The following PRDM7 variants were observed in gnomAD, a reference collection of about 807,000 sequenced individuals.
The protein encoded by PRDM7 is histone-lysine N-methyltransferase PRDM7.
Under a neutral mutation model 64.3 loss-of-function variants are expected in PRDM7, and 52 were observed. The observed-to-expected ratio is 0.81, with a 90% CI of 0.65 to 1.02. The LOEUF (loss-of-function observed/expected upper bound fraction) is 1.02, where lower values mean the gene tolerates loss of function less well. Among genes scored for constraint, PRDM7 ranks in the 50% least tolerant of loss-of-function variants. The probability of loss-of-function intolerance (pLI) is 0.00; values close to 1 mark genes in which losing one functional copy is unlikely to be tolerated. For missense variants in PRDM7, 574 were observed against 597.1 expected (o/e 0.96, Z 0.40); for synonymous variants, 192 against 210.1 (o/e 0.91, Z 0.74).
At chr16:90,066,837 C>T in intron 5 of PRDM7, 24 bp downstream of exon 5, 2 of 1,556,694 alleles carry the variant, frequency 1.3e-6, no homozygotes, top group Non-Finnish European at 1.8e-6. Flanking sequence ...GGTTTCTTGT[C>T]AACAGGATTT....
intron 4 of PRDM7, among the ~76,000 whole-genome samples, chr16:90,067,414 T>TA (rs1383043455): frequency 1.3e-5 from 2 of 151,074 alleles, no homozygotes; most frequent in Non-Finnish European, 2.9e-5. Context: ...TCTTAAGATT[T>TA]AAAAAAATAG....
chr16:90,065,003 G>C (rs1432169201), intron 5 of PRDM7, among the ~76,000 whole-genome samples: 3 of 151,078 alleles, frequency 2.0e-5, no homozygotes, highest in Non-Finnish European at 4.4e-5. Context: ...ACAGGTGTGA[G>C]CCACTGCCTC....
At chr16:90,064,301 G>C (rs1228370720) in intron 5 of PRDM7, among the ~76,000 whole-genome samples, 1 of 152,172 alleles carries the variant, frequency 6.6e-6, no homozygotes, top group East Asian at 1.9e-4. Flanking sequence ...TTTTGAATTA[G>C]ATTAGTTAGT....
intron 1 of PRDM7, 144 bp downstream of exon 1, chr16:90,077,082 G>A (rs888283429): frequency 6.6e-6 from 1 of 152,054 alleles, no homozygotes; most frequent in African/African-American, 2.4e-5. Context: ...GGTACTTTGG[G>A]GGTTTCATGC....
chr16:90,066,781 G>T, intron 5 of PRDM7, 80 bp downstream of exon 5: 2 of 1,290,692 alleles, frequency 1.5e-6, no homozygotes. Context: ...TCCTAGGATA[G>T]TCTGTACATT....
intron 5 of PRDM7, among the ~76,000 whole-genome samples, chr16:90,065,781 C>T (rs2037864890): frequency 6.6e-6 from 1 of 151,370 alleles, no homozygotes; most frequent in Non-Finnish European, 1.5e-5. Flanking sequence ...AAAATTATCT[C>T]ATAGTCCTGA....
intron 9 of PRDM7, 107 bp downstream of exon 9, chr16:90,061,345 A>T: frequency 8.6e-7 from 1 of 1,158,560 alleles, no homozygotes; most frequent in East Asian, 2.4e-5. Context: ...GAAAAATAGA[A>T]ATAGGGGATG....
chr16:90,075,997 T>C lies in PRDM7; in HGVS notation c.-85-2A>G, dbSNP rs2038031817. The C allele has an allele frequency of 3.4e-6, 5 of 1,460,736 alleles. No individual in the cohort carries two copies. The highest frequency in any genetic ancestry group is 3.6e-4 in the Middle Eastern group (2 of 5,482). 90.5% of individuals were successfully genotyped at this position (1,460,736 alleles called of 1,614,324 possible). On this transcript the variant is annotated splice_acceptor_variant, in intron 1 of 10. Coordinates refer to ENST00000449207, the MANE Select transcript of PRDM7 (RefSeq NM_001098173.2). LOFTEE classifies it low-confidence loss of function (5UTR_SPLICE). The surrounding 1 kb of genome is among the most constrained non-coding windows in gnomAD (Gnocchi z 4.3). ...TCCCAGCTCCTAGGCCAAAGGCTCC[T>C]GTGGAAGGAGAAGGTGCTGAGATGG...
chr16:90,060,260 T>C, intron 10 of PRDM7, 81 bp downstream of exon 10: 1 of 1,607,196 alleles, frequency 6.2e-7, no homozygotes, highest in South Asian at 1.1e-5. Flanking sequence ...CGTTTTACTC[T>C]ACTTAAGAGT....
At chr16:90,060,286 C>A (rs1011915303) in intron 10 of PRDM7, 55 bp downstream of exon 10, 7 of 1,613,032 alleles carry the variant, frequency 4.3e-6, no homozygotes, top group African/African-American at 1.3e-5. Context: ...CATGAAAATT[C>A]TCTAGGATAA....
Position 90,074,904 on chromosome 16 carries a change from C to T in PRDM7, c.301+12G>A. On this transcript the variant is annotated intron_variant, in intron 4 of 10. Transcript: ENST00000449207. ...TTAAAAAAAAAAAAATCCTCCTTCCCTTCCCTCTTACCTTGCTGCCTAGGT... is the reference window on the plus strand; with the variant it reads ...TTAAAAAAAAAAAAATCCTCCTTCCTTTCCCTCTTACCTTGCTGCCTAGGT... The T allele has an allele frequency of 6.2e-7, 1 of 1,612,868 alleles. No individual in the cohort carries two copies. Among genetic ancestry groups the T allele is most frequent in the Non-Finnish European group, 8.5e-7 (1 of 1,179,080 alleles).
intron 4 of PRDM7, among the ~76,000 whole-genome samples, chr16:90,067,672 G>T (rs566821060): frequency 6.9e-6 from 1 of 145,514 alleles, no homozygotes; most frequent in Admixed American, 7.1e-5. Context: ...CTCACTGCAA[G>T]CTCTGCCTCC....
intron 4 of PRDM7, among the ~76,000 whole-genome samples, chr16:90,071,154 T>C (rs2037950208): frequency 6.6e-6 from 1 of 152,142 alleles, no homozygotes; most frequent in South Asian, 2.1e-4. Flanking sequence ...TTTTTTGAGA[T>C]GGAGTCTCGT....
intron 4 of PRDM7, among the ~76,000 whole-genome samples, chr16:90,073,601 G>A (rs1394264804): frequency 6.6e-6 from 1 of 151,742 alleles, no homozygotes. Flanking sequence ...GGGTTTCACC[G>A]TGTTAGCCAG....
chr16:90,061,094 G>A (rs143336247), intron 9 of PRDM7, among the ~76,000 whole-genome samples: 2 of 152,212 alleles, frequency 1.3e-5, no homozygotes, highest in East Asian at 3.9e-4. Flanking sequence ...AAAGGGGCTG[G>A]GTCATCCTGC....
Position 90,057,860 on chromosome 16 carries a change from G to C in PRDM7, c.*429C>G, listed in dbSNP as rs556094233. ...GACTTACTCATCCTTCCTGCAGACT[G>C]GGGCGTCTCCCCTGTGTGTCCTCTG... On this transcript the variant is annotated 3_prime_UTR_variant, in exon 11 of 11. Transcript: ENST00000449207. 3.9e-6 allele frequency: 6 copies of C among 1,526,018 alleles called. No individual in the cohort carries two copies. In the South Asian group the frequency reaches 5.5e-5, roughly 14 times the overall value. The allele number at this position is 1,526,018 out of a possible 1,614,324, so 94.5% of individuals were successfully genotyped here.
intron 4 of PRDM7, among the ~76,000 whole-genome samples, chr16:90,069,401 C>G (rs1430579300): frequency 6.6e-6 from 1 of 151,266 alleles, no homozygotes; most frequent in Non-Finnish European, 1.5e-5. Flanking sequence ...AAGTACAGAA[C>G]TTCAAGAAGA....
At chr16:90,073,257 C>T (rs1342407620) in intron 4 of PRDM7, among the ~76,000 whole-genome samples, 1 of 152,036 alleles carries the variant, frequency 6.6e-6, no homozygotes, top group Non-Finnish European at 1.5e-5. Flanking sequence ...TCTTCTAAGA[C>T]ATTTAACTCA....
In PRDM7 at chr16:90,060,322, G is replaced by T. The variant is rs774251569; in HGVS notation, c.1233+19C>A. On this transcript the variant is annotated intron_variant, in intron 10 of 10. Coordinates refer to ENST00000449207, the MANE Select transcript of PRDM7 (RefSeq NM_001098173.2). ...TTCTTTCTTTCCTGTCCTTTTAAAA[G>T]AGTAATAGTGATGCCTACCTCTCCC... The T allele has an allele frequency of 1.9e-5, 30 of 1,613,866 alleles. 1 individual carries two copies. In the East Asian group the frequency reaches 6.5e-4, roughly 35 times the overall value.
Sources: allele counts gnomAD v4.1 joint callset (sites outside exome capture counted in the v4.1 genomes callset), GRCh38; gene constraint gnomAD v4.1.1; non-coding constraint Gnocchi (gnomAD v3.1); transcripts MANE v1.5; gene names NCBI Gene and HGNC (gene_info 2026-07-23, HGNC 2026-07-21).